PLEKHG1: variants seen among roughly 807,000 people sequenced by gnomAD.
PLEKHG1 encodes pleckstrin homology domain-containing family G member 1.
A neutral mutation model predicts 100.8 loss-of-function variants in PLEKHG1; 44 were observed. The observed-to-expected ratio is 0.44, with a 90% CI of 0.34 to 0.56. The LOEUF is 0.56. PLEKHG1 is among the 20% of genes least tolerant of loss of function. PLEKHG1 has a pLI of 0.01. For synonymous variants in PLEKHG1, 640 were observed against 662.5 expected (o/e 0.97, Z 0.52); for missense variants, 1,545 against 1,720.9 (o/e 0.90, Z 1.81).
At position 150,824,516 on chromosome 6, in the gene PLEKHG1, G is replaced by A. The variant is rs145267528; in HGVS notation, c.1470+840G>A. Among the ~76,000 whole-genome samples, 247 of 151,786 alleles carry A rather than the reference G, an allele frequency of 1.6e-3. No homozygotes were observed. In the South Asian group the frequency reaches 0.023, roughly 14 times the overall value. ...ACCAAGAAAATGTCTAAAAATCAAC[G>A]TAGTCTTTTTTTTTTTTTCTTTTGA... On this transcript the variant is annotated intron_variant, in intron 14 of 15. Transcript: ENST00000358517.
Position 150,776,682 on chromosome 6 carries a change from A to T in PLEKHG1, c.512+7944A>T, listed in dbSNP as rs1784982628. On this transcript the variant is annotated intron_variant, in intron 3 of 15. Transcript: ENST00000358517. ...GTGTGGTTGCACATTACTCACACTGATGCAATCCTGGCGTACATGTGCGGT... is the reference window on the plus strand; with the variant it reads ...GTGTGGTTGCACATTACTCACACTGTTGCAATCCTGGCGTACATGTGCGGT... 3.6e-5 allele frequency among the ~76,000 whole-genome samples: 5 copies of T among 140,350 alleles called. No individual in the cohort carries two copies. The South Asian group carries it at 9.0e-4, about 25-fold the overall frequency. 92.1% of individuals were successfully genotyped at this position (140,350 alleles called of 152,430 possible).
chr6:150,714,246 A>G (rs888437758), intron 3 of PLEKHG1, among the ~76,000 whole-genome samples: 3 of 152,236 alleles, frequency 2.0e-5, no homozygotes, highest in African/African-American at 7.2e-5. Flanking sequence ...TTTTTGCAAC[A>G]TATTTGCTTG....
At chr6:150,701,827 T>C (rs1193318962) in intron 3 of PLEKHG1, among the ~76,000 whole-genome samples, 1 of 152,142 alleles carries the variant, frequency 6.6e-6, no homozygotes, top group African/African-American at 2.4e-5. Context: ...AGCTTGTCTA[T>C]CCATAATAGG....
At chr6:150,603,354 G>A (rs1246405390) in intron 1 of PLEKHG1, among the ~76,000 whole-genome samples, 3 of 152,188 alleles carry the variant, frequency 2.0e-5, no homozygotes. Context: ...GTCACGGGCA[G>A]TCTGTGCCAA....
chr6:150,767,061 T>C (rs1200310471), intron 2 of PLEKHG1, among the ~76,000 whole-genome samples: 3 of 152,254 alleles, frequency 2.0e-5, no homozygotes, highest in Non-Finnish European at 4.4e-5. Context: ...AGACATTCAC[T>C]GCACATTGAG....
At chr6:150,747,323 C>A (rs946277479) in intron 2 of PLEKHG1, among the ~76,000 whole-genome samples, 7 of 152,170 alleles carry the variant, frequency 4.6e-5, no homozygotes, top group African/African-American at 1.7e-4. Flanking sequence ...GAAGATTTAC[C>A]TGGGTCACGT....
chr6:150,674,682 T>TCTCTCTCTCCTCTCTCTCTCTCTCTCC (rs1455673564), intron 3 of PLEKHG1, among the ~76,000 whole-genome samples: 1 of 104,234 alleles, frequency 9.6e-6, no homozygotes, highest in Non-Finnish European at 2.0e-5. Context: ...TCTCTCTCTC[T>TCTCTCTCTCCTCTCTCTCTCTCTCTCC]CCCCCCTCTT....
intron 3 of PLEKHG1, among the ~76,000 whole-genome samples, chr6:150,706,133 C>T (rs1357060785): frequency 1.3e-5 from 2 of 152,248 alleles, no homozygotes; most frequent in Non-Finnish European, 1.5e-5. Context: ...GGATGTGATA[C>T]GTAAATGTTG....
chr6:150,774,236 C>T (rs145456047), intron 3 of PLEKHG1, among the ~76,000 whole-genome samples: 17 of 152,260 alleles, frequency 1.1e-4, no homozygotes, highest in Non-Finnish European at 2.4e-4. Context: ...ATTGTTTAGA[C>T]ATTGGCGTCC....
At chr6:150,640,199 G>C (rs572765812) in intron 2 of PLEKHG1, among the ~76,000 whole-genome samples, 13 of 152,242 alleles carry the variant, frequency 8.5e-5, no homozygotes, top group Non-Finnish European at 1.6e-4. Context: ...ATGTGATATT[G>C]ACAGACTTTC....
intron 3 of PLEKHG1, among the ~76,000 whole-genome samples, chr6:150,682,315 A>G (rs1779962900): frequency 1.3e-5 from 2 of 152,146 alleles, no homozygotes; most frequent in Admixed American, 1.3e-4. Flanking sequence ...GCAAAAGCAA[A>G]GTGTGGCACA....
chr6:150,765,567 G>A (rs1242902515), intron 2 of PLEKHG1, among the ~76,000 whole-genome samples: 2 of 151,746 alleles, frequency 1.3e-5, no homozygotes, highest in African/African-American at 2.4e-5. Flanking sequence ...ACCTATTTCC[G>A]GGCATCTCAT....
chr6:150,619,017 A>G (rs1230607453), intron 1 of PLEKHG1, among the ~76,000 whole-genome samples: 1 of 152,184 alleles, frequency 6.6e-6, no homozygotes, highest in Non-Finnish European at 1.5e-5. Context: ...CGGGAAGTCA[A>G]GGCTGTGGTT....
At chr6:150,701,453 AT>A (rs1451809463) in intron 3 of PLEKHG1, among the ~76,000 whole-genome samples, 20 of 84,244 alleles carry the variant, frequency 2.4e-4, no homozygotes, top group African/African-American at 1.6e-3. Flanking sequence ...ATATATATAT[AT>A]ATATATATAT....
intron 1 of PLEKHG1, among the ~76,000 whole-genome samples, chr6:150,732,065 C>T (rs1481602683): frequency 6.6e-5 from 10 of 151,316 alleles, no homozygotes; most frequent in Admixed American, 6.6e-4. Flanking sequence ...GGGTTCACGC[C>T]ATTCTCCTGC....
intron 13 of PLEKHG1, 99 bp downstream of exon 14, chr6:150,821,332 AGATTT>A: frequency 6.3e-6 from 5 of 797,470 alleles, no homozygotes; most frequent in Non-Finnish European, 8.4e-6. Flanking sequence ...ACATATTGAC[AGATTT>A]GATTTGATTA....
At chr6:150,668,591 G>T (rs1336505985) in intron 3 of PLEKHG1, among the ~76,000 whole-genome samples, 1 of 152,120 alleles carries the variant, frequency 6.6e-6, no homozygotes, top group South Asian at 2.1e-4. Context: ...CTTGCTGGCC[G>T]ATGACCAAGT....
chr6:150,838,970 G>T (rs1777372493), intron 15 of PLEKHG1, among the ~76,000 whole-genome samples: 1 of 152,202 alleles, frequency 6.6e-6, no homozygotes, highest in Non-Finnish European at 1.5e-5. Context: ...CCCAGACAAT[G>T]GCAGTGGAGG....
chr6:150,831,663 A>G lies in PLEKHG1; in HGVS notation c.2552A>G (p.Asp851Gly). ...GAAAATTACATCAAGAAAAATGAAG[A>G]CAAGGCCAGAGACCGTCTCCTGGCA... is the stretch of plus-strand genomic sequence containing the variant. The change falls in exon 15 of 16, where the codon GAC becomes GGC. Residue 851 changes from aspartate (D) to glycine (G), a missense_variant. Physicochemically the swap from Asp to Gly is moderately conservative, Grantham distance 94. Coordinates refer to ENST00000358517, the Ensembl canonical transcript of PLEKHG1. The surrounding 1 kb of genome is among the most constrained non-coding windows in gnomAD (Gnocchi z 4.1). The G allele has an allele frequency of 6.2e-7, 1 of 1,613,184 alleles. No individual in the cohort carries two copies. The highest frequency in any genetic ancestry group is 2.2e-5 in the East Asian group (1 of 44,878).
Sources: gnomAD v4.1 joint callset for allele counts (sites outside exome capture counted in the v4.1 genomes callset) on GRCh38, gnomAD v4.1.1 for gene constraint, Gnocchi (gnomAD v3.1) non-coding constraint, MANE v1.5 for transcripts, NCBI Gene and HGNC (gene_info 2026-07-23, HGNC 2026-07-21) for gene names.